The following HEATR4 variants were observed in gnomAD, a reference collection of about 807,000 sequenced individuals.
HEATR4 encodes HEAT repeat containing 4.
HEATR4 carries 95 observed loss-of-function variants against 108.8 expected under a neutral mutation model. That is an observed-to-expected ratio of 0.87 (90% CI 0.74 to 1.04). The LOEUF (loss-of-function observed/expected upper bound fraction) is 1.04, where lower values mean the gene tolerates loss of function less well. Among genes scored for constraint, HEATR4 ranks in the 50% least tolerant of loss-of-function variants. HEATR4 has a pLI of 0.00. For missense variants in HEATR4, 1,152 were observed against 1,253.8 expected (o/e 0.92, Z 1.23); for synonymous variants, 443 against 459.4 (o/e 0.96, Z 0.46).
At chr14:73,486,592 G>A (rs1262448283) in intron 17 of HEATR4, among the ~76,000 whole-genome samples, 1 of 152,110 alleles carries the variant, frequency 6.6e-6, no homozygotes, top group Non-Finnish European at 1.5e-5. Flanking sequence ...CAGCTACTTG[G>A]GAGGTGGAGA....
intron 2 of HEATR4, among the ~76,000 whole-genome samples, chr14:73,528,413 AACTT>A (rs1888491546): frequency 6.6e-6 from 1 of 151,074 alleles, no homozygotes; most frequent in Admixed American, 6.6e-5. Flanking sequence ...AAAAAAAAAA[AACTT>A]AAGGAATAGT....
the HEATR4 span, chr14:73,581,222 A>G: frequency 2.6e-5 from 4 of 151,714 alleles, no homozygotes; most frequent in Non-Finnish European, 4.4e-5. Context: ...ATTTATAAAC[A>G]ACAGAAATGT....
chr14:73,489,330 T>C (rs1885579591), intron 17 of HEATR4, among the ~76,000 whole-genome samples: 1 of 152,260 alleles, frequency 6.6e-6, no homozygotes, highest in East Asian at 1.9e-4. Context: ...AAAGGGTGGA[T>C]GTTAGACATG....
At chr14:73,497,441 T>C (rs1374386888) in intron 14 of HEATR4, among the ~76,000 whole-genome samples, 1 of 152,170 alleles carries the variant, frequency 6.6e-6, no homozygotes. Context: ...AACCCTATAA[T>C]GTAGACTATC....
the HEATR4 span, among the ~76,000 whole-genome samples, chr14:73,573,225 C>A: frequency 6.6e-6 from 1 of 151,958 alleles, no homozygotes; most frequent in South Asian, 2.1e-4. Flanking sequence ...TCACTATAAA[C>A]ACTTGCCAGA....
chr14:73,607,317 TAAA>T, the HEATR4 span, among the ~76,000 whole-genome samples: 36 of 152,038 alleles, frequency 2.4e-4, no homozygotes, highest in African/African-American at 8.4e-4. Flanking sequence ...CTCAAAAAAA[TAAA>T]AAAAGAAAGA....
At chr14:73,484,540 G>A (rs1414528219) in intron 17 of HEATR4, among the ~76,000 whole-genome samples, 2 of 151,674 alleles carry the variant, frequency 1.3e-5, no homozygotes, top group South Asian at 2.1e-4. Flanking sequence ...CACCACACCC[G>A]GCTAATTTTT....
chr14:73,580,680 A>C, the HEATR4 span: 4 of 152,166 alleles, frequency 2.6e-5, no homozygotes, highest in African/African-American at 9.7e-5. Flanking sequence ...GGCTAGAGAT[A>C]TCTGGTCCAT....
At chr14:73,527,149 T>G (rs1888389197) in intron 2 of HEATR4, 1 of 152,150 alleles carries the variant, frequency 6.6e-6, no homozygotes, top group Admixed American at 6.5e-5. Flanking sequence ...CTTAATCCCC[T>G]TTGAATATAT....
chr14:73,570,070 A>G, the HEATR4 span, among the ~76,000 whole-genome samples: 1 of 149,828 alleles, frequency 6.7e-6, no homozygotes, highest in East Asian at 2.0e-4. Flanking sequence ...CTGGGATTAC[A>G]GGGTGAGCCA....
chr14:73,550,135 G>T (rs1293927518), intron 1 of HEATR4, among the ~76,000 whole-genome samples: 1 of 113,344 alleles, frequency 8.8e-6, no homozygotes, highest in African/African-American at 2.9e-5. Context: ...CCCCTTCACT[G>T]CTCATAGATA....
the HEATR4 span, among the ~76,000 whole-genome samples, chr14:73,589,915 G>A: frequency 1.3e-5 from 2 of 152,092 alleles, no homozygotes; most frequent in African/African-American, 2.4e-5. Flanking sequence ...AGCTCTTAAG[G>A]CGGCATGTCT....
chr14:73,592,915 A>G, the HEATR4 span, among the ~76,000 whole-genome samples: 3 of 152,246 alleles, frequency 2.0e-5, no homozygotes, highest in Non-Finnish European at 4.4e-5. Flanking sequence ...TTTTACTTGC[A>G]TTCTATCAGT....
chr14:73,612,988 G>A, the HEATR4 span: 136 of 1,087,358 alleles, frequency 1.3e-4, no homozygotes, highest in African/African-American at 2.0e-3. Flanking sequence ...GCGAGCCGGT[G>A]CGCGCGGGCC....
intron 17 of HEATR4, among the ~76,000 whole-genome samples, chr14:73,479,545 T>G (rs1595071608): frequency 6.6e-6 from 1 of 151,350 alleles, no homozygotes; most frequent in Non-Finnish European, 1.5e-5. Flanking sequence ...TTCAAGGGAT[T>G]CTCCTGCCTC....
the HEATR4 span, among the ~76,000 whole-genome samples, chr14:73,590,091 A>G: frequency 6.6e-6 from 1 of 152,180 alleles, no homozygotes; most frequent in Non-Finnish European, 1.5e-5. Flanking sequence ...AACGTAGAAA[A>G]GAACCCCAAC....
intron 2 of HEATR4, among the ~76,000 whole-genome samples, 152 bp from the exon 3 acceptor site, chr14:73,523,376 C>T (rs1888095261): frequency 6.6e-6 from 1 of 152,172 alleles, no homozygotes; most frequent in African/African-American, 2.4e-5. Context: ...GAAAATGGTG[C>T]AACATCCTAA....
At chr14:73,569,552 G>A in the HEATR4 span, 19 of 1,603,488 alleles carry the variant, frequency 1.2e-5, 1 homozygote, top group East Asian at 2.2e-5. Context: ...GCGACGAGAA[G>A]GGCGCGCTTT....
At chr14:73,564,368 G>A in the HEATR4 span, among the ~76,000 whole-genome samples, 6 of 151,260 alleles carry the variant, frequency 4.0e-5, no homozygotes, top group Admixed American at 2.7e-4. Context: ...CCAACACTCA[G>A]GGAGGCCAAG....
Sources: gnomAD v4.1 joint callset for allele counts (sites outside exome capture counted in the v4.1 genomes callset) on GRCh38, gnomAD v4.1.1 for gene constraint, MANE v1.5 for transcripts, NCBI Gene and HGNC (gene_info 2026-07-23, HGNC 2026-07-21) for gene names.